DAPK2: variants seen among roughly 807,000 people sequenced by gnomAD.
DAPK2 encodes the protein death-associated protein kinase 2.
A neutral mutation model predicts 44.1 loss-of-function variants in DAPK2; 35 were observed. That is an observed-to-expected ratio of 0.79 (90% CI 0.61 to 1.05). The LOEUF (loss-of-function observed/expected upper bound fraction) is 1.05, where lower values mean the gene tolerates loss of function less well. DAPK2 is among the 50% of genes least tolerant of loss of function. DAPK2 has a pLI of 0.00. For synonymous variants in DAPK2, 174 were observed against 182.6 expected (o/e 0.95, Z 0.38); for missense variants, 453 against 483.2 (o/e 0.94, Z 0.59).
Position 63,993,647 on chromosome 15 carries a change from T to C in DAPK2, c.93-9893A>G, listed in dbSNP as rs570486035. On this transcript the variant is annotated intron_variant, in intron 1 of 10. Coordinates refer to ENST00000261891, the Ensembl canonical transcript of DAPK2. ...CAAGATTGCTTGCCTCTCCCAGACATGCAGGGCTGTGAATGGGGAAGACTA... is the reference window on the plus strand; with the variant it reads ...CAAGATTGCTTGCCTCTCCCAGACACGCAGGGCTGTGAATGGGGAAGACTA... Among the ~76,000 whole-genome samples, 5 of 152,182 alleles carry C rather than the reference T, an allele frequency of 3.3e-5. No homozygotes were observed. In the East Asian group the frequency reaches 9.6e-4, roughly 29 times the overall value.
Position 63,916,116 on chromosome 15 carries a change from C to T in DAPK2, c.859-3919G>A, listed in dbSNP as rs1246794630. ...TGTGTTTGGTGTCTTGGAAAAATGT[C>T]CAAAAGGGAAGCAAGAAGACAGAAA... On this transcript the variant is annotated intron_variant, in intron 8 of 10. Coordinates refer to ENST00000261891, the Ensembl canonical transcript of DAPK2. This position sits in a 1 kb window ranked among gnomAD's most constrained non-coding sequence, Gnocchi z 4.7. 2 of 152,026 alleles carry T rather than the reference C, an allele frequency of 1.3e-5. No homozygotes were observed. The highest frequency in any genetic ancestry group is 1.9e-4 in the East Asian group (1 of 5,194). 9.4% of individuals were successfully genotyped at this position (152,026 alleles called of 1,614,324 possible). A position where few individuals can be genotyped will look rare whatever the true frequency, so the allele number is the denominator to read the frequency against.
chr15:63,958,683 C>T (rs1444771452), intron 3 of DAPK2, among the ~76,000 whole-genome samples: 6 of 151,966 alleles, frequency 3.9e-5, no homozygotes, highest in Non-Finnish European at 5.9e-5. Flanking sequence ...GTATTATTTC[C>T]GAGGGCTCTA....
chr15:63,956,142 T>C (rs1169349844), intron 3 of DAPK2, among the ~76,000 whole-genome samples: 1 of 152,216 alleles, frequency 6.6e-6, no homozygotes, highest in African/African-American at 2.4e-5. Context: ...TCAGTTGTAA[T>C]GTCTCCTTTT....
At chr15:64,043,429 T>A (rs1390267075), upstream of DAPK2, among the ~76,000 whole-genome samples, 1 of 152,176 alleles carries the variant, frequency 6.6e-6, no homozygotes, top group African/African-American at 2.4e-5. Flanking sequence ...TATACAGCAA[T>A]AAGAATTAAC....
chr15:63,942,531 G>A (rs574446287), intron 3 of DAPK2, among the ~76,000 whole-genome samples: 4 of 151,268 alleles, frequency 2.6e-5, no homozygotes, highest in South Asian at 2.1e-4. Context: ...CAGCCTGGGC[G>A]ACAAAGTGAG....
chr15:63,913,967 T>C (rs1385840550), intron 8 of DAPK2, among the ~76,000 whole-genome samples: 2 of 152,234 alleles, frequency 1.3e-5, no homozygotes, highest in Non-Finnish European at 2.9e-5. Context: ...TTCCTGTCTA[T>C]GTCAATGCCC....
intron 1 of DAPK2, among the ~76,000 whole-genome samples, chr15:63,994,955 A>T (rs918434333): frequency 7.2e-5 from 11 of 151,994 alleles, no homozygotes; most frequent in African/African-American, 1.5e-4. Flanking sequence ...CCTGCTTTTT[A>T]AAAATTCTCC....
chr15:63,997,514 A>T (rs1399868090), intron 1 of DAPK2, among the ~76,000 whole-genome samples: 1 of 152,130 alleles, frequency 6.6e-6, no homozygotes, highest in East Asian at 1.9e-4. Context: ...TATTTTTAGT[A>T]GACATGCGGT....
rs1177904694 is a variant in DAPK2 at position 64,033,675 on chromosome 15, G to A, written c.92+6495C>T. Among the ~76,000 whole-genome samples, 103 of 152,144 alleles carry A rather than the reference G, an allele frequency of 6.8e-4. 1 individual carries two copies. Among genetic ancestry groups the A allele is most frequent in the Admixed American group, 2.0e-4 (3 of 15,302 alleles). The stretch of plus-strand genomic sequence containing the variant: ...TGTAATCCCAACACTTTGGGAGGCC[G>A]AGGCGGGTGGATCACGAGGTCAGGA... On this transcript the variant is annotated intron_variant, in intron 1 of 10. Coordinates refer to ENST00000261891, the Ensembl canonical transcript of DAPK2.
intron 4 of DAPK2, chr15:63,935,578 T>A (rs1340386417): frequency 1.3e-5 from 2 of 152,248 alleles, no homozygotes; most frequent in Non-Finnish European, 2.9e-5. Flanking sequence ...TTGGTACCCT[T>A]CAGTTTCACT....
intron 3 of DAPK2, among the ~76,000 whole-genome samples, chr15:63,953,626 G>A (rs2077647304): frequency 6.6e-6 from 1 of 152,066 alleles, no homozygotes; most frequent in South Asian, 2.1e-4. Flanking sequence ...CTTTCTTGTG[G>A]GTATATATCT....
intron 1 of DAPK2, among the ~76,000 whole-genome samples, chr15:64,016,828 G>A (rs2079539849): frequency 8.9e-6 from 1 of 112,264 alleles, no homozygotes; most frequent in African/African-American, 3.5e-5. Context: ...GAAGGGGAAG[G>A]AAGGAAGGAG....
Position 63,912,241 on chromosome 15 carries a change from A to T in DAPK2, c.859-44T>A. On this transcript the variant is annotated intron_variant, in intron 8 of 10. Coordinates refer to ENST00000261891, the Ensembl canonical transcript of DAPK2. This position sits in a 1 kb window ranked among gnomAD's most constrained non-coding sequence, Gnocchi z 4.4. The stretch of plus-strand genomic sequence containing the variant: ...CATGGCAGCTGATGCTGGGCTTCAG[A>T]CAGCAGCCACCCTCCTCGCCGCAGA... 6.3e-7 allele frequency: 1 copy of T among 1,590,096 alleles called. No homozygotes were observed.
intron 8 of DAPK2, among the ~76,000 whole-genome samples, chr15:63,914,595 C>T (rs1237258940): frequency 3.3e-5 from 5 of 152,144 alleles, no homozygotes; most frequent in African/African-American, 1.2e-4. Context: ...TCCAAGCCTT[C>T]CAGTGGCTTC....
At chr15:64,046,380 G>C (rs1046607820), upstream of DAPK2, 2 of 385,330 alleles carry the variant, frequency 5.2e-6, no homozygotes, top group African/African-American at 4.3e-5. This position sits in a 1 kb window ranked among gnomAD's most constrained non-coding sequence, Gnocchi z 5.3. Flanking sequence ...GGGCGCGGCG[G>C]GCGCGGCGGG....
chr15:63,982,927 T>C (rs894899617), intron 2 of DAPK2, among the ~76,000 whole-genome samples: 9 of 152,214 alleles, frequency 5.9e-5, no homozygotes, highest in African/African-American at 2.2e-4. Context: ...TAGTAAGACA[T>C]TTCCCTCATC....
intron 1 of DAPK2, among the ~76,000 whole-genome samples, chr15:64,024,777 C>A (rs1006822993): frequency 6.6e-6 from 1 of 152,198 alleles, no homozygotes; most frequent in African/African-American, 2.4e-5. Context: ...CACACCACAG[C>A]CCTGAGCAGT....
Position 63,908,392 on chromosome 15 carries a change from T to C in DAPK2, c.*128A>G, listed in dbSNP as rs111713068. 2.3e-5 allele frequency: 11 copies of C among 480,602 alleles called. No homozygotes were observed. The highest frequency in any genetic ancestry group is 2.0e-4 in the African/African-American group (10 of 49,638). 29.8% of individuals were successfully genotyped at this position (480,602 alleles called of 1,614,324 possible). A position where few individuals can be genotyped will look rare whatever the true frequency, so the allele number is the denominator to read the frequency against. ...TGCCTGCAAGCTCTTCTGAATTCCT[T>C]GGGCCCATCTCTCTTGCAAAGTGCT... On this transcript the variant is annotated 3_prime_UTR_variant, in exon 11 of 11. Coordinates refer to ENST00000261891, the Ensembl canonical transcript of DAPK2. The surrounding 1 kb of genome is among the most constrained non-coding windows in gnomAD (Gnocchi z 5.7).
At position 64,026,554 on chromosome 15, in the gene DAPK2, C is replaced by A. The variant is rs140388278; in HGVS notation, c.92+13616G>T. On this transcript the variant is annotated intron_variant, in intron 1 of 10. Coordinates refer to ENST00000261891, the Ensembl canonical transcript of DAPK2. ...CCACAGCACCCAGCCTGATAGGGTACCTCTTAAGCCTCACTTTGGTTTCCC... is the reference window on the plus strand; with the variant it reads ...CCACAGCACCCAGCCTGATAGGGTAACTCTTAAGCCTCACTTTGGTTTCCC... 1.3e-3 allele frequency among the ~76,000 whole-genome samples: 201 copies of A among 152,204 alleles called. 1 individual carries two copies. The highest frequency in any genetic ancestry group is 4.4e-3 in the African/African-American group (182 of 41,534).
Sources: allele counts gnomAD v4.1 joint callset (sites outside exome capture counted in the v4.1 genomes callset), GRCh38; gene constraint gnomAD v4.1.1; non-coding constraint Gnocchi (gnomAD v3.1); transcripts MANE v1.5; gene names NCBI Gene and HGNC (gene_info 2026-07-23, HGNC 2026-07-21).